The following ANKS1B variants were observed in gnomAD, a reference collection of about 807,000 sequenced individuals.
ANKS1B encodes ankyrin repeat and sterile alpha motif domain-containing protein 1B.
ANKS1B carries 36 observed loss-of-function variants against 148.3 expected under a neutral mutation model. That is an observed-to-expected ratio of 0.24 (90% CI 0.19 to 0.32). The LOEUF is 0.32. ANKS1B is among the 10% of genes least tolerant of loss of function. ANKS1B has a pLI of 1.00. For synonymous variants in ANKS1B, 542 were observed against 560.8 expected (o/e 0.97, Z 0.47); for missense variants, 1,157 against 1,542.6 (o/e 0.75, Z 4.19).
At chr12:99,724,541 G>A (rs189425842) in intron 8 of ANKS1B, among the ~76,000 whole-genome samples, 1 of 152,142 alleles carries the variant, frequency 6.6e-6, no homozygotes, top group South Asian at 2.1e-4. Flanking sequence ...TGGAGTACCT[G>A]AAACAGACAG....
intron 22 of ANKS1B, among the ~76,000 whole-genome samples, chr12:98,790,465 AT>A (rs1402447816): frequency 6.6e-6 from 1 of 152,120 alleles, no homozygotes; most frequent in Admixed American, 6.6e-5. Flanking sequence ...ACATCAACAG[AT>A]TTTAGCTATT....
At chr12:99,357,909 T>C (rs2092156396) in intron 12 of ANKS1B, among the ~76,000 whole-genome samples, 1 of 152,126 alleles carries the variant, frequency 6.6e-6, no homozygotes, top group African/African-American at 2.4e-5. Context: ...TTTAATGTTT[T>C]CTATTTTTTT....
chr12:98,895,250 C>T, intron 17 of ANKS1B: 1 of 985,616 alleles, frequency 1.0e-6, no homozygotes. Flanking sequence ...GGCTCCCAGG[C>T]ACTCGCTGCT....
At chr12:99,240,463 G>A (rs1029496117) in intron 14 of ANKS1B, among the ~76,000 whole-genome samples, 13 of 152,096 alleles carry the variant, frequency 8.5e-5, no homozygotes, top group African/African-American at 2.9e-4. Context: ...CAATAATAAT[G>A]ATAGACTTTA....
Position 99,934,459 on chromosome 12 carries a change from C to T in ANKS1B, c.134+49645G>A, listed in dbSNP as rs1475487039. On this transcript the variant is annotated intron_variant, in intron 1 of 26. Transcript: ENST00000683438. ...CTCAGTCTTGTCAGTTGTTATTGGT[C>T]TGTTCAAGTTTTGGATTTCTTCATG... Among the ~76,000 whole-genome samples the T allele has an allele frequency of 1.5e-4, 23 of 152,012 alleles. 1 individual carries two copies. Among genetic ancestry groups the T allele is most frequent in the Admixed American group, 1.5e-3 (23 of 15,236 alleles).
intron 1 of ANKS1B, among the ~76,000 whole-genome samples, chr12:99,972,789 G>A (rs983522538): frequency 3.2e-4 from 49 of 152,174 alleles, no homozygotes; most frequent in Non-Finnish European, 5.1e-4. Flanking sequence ...ATGCCATCTA[G>A]GACTTTCATA....
intron 12 of ANKS1B, among the ~76,000 whole-genome samples, chr12:99,313,224 T>G (rs1168480582): frequency 6.6e-6 from 1 of 151,808 alleles, no homozygotes; most frequent in South Asian, 2.1e-4. Flanking sequence ...ACCAGGATGA[T>G]ATCGTATCCC....
chr12:99,643,008 T>TC (rs35638322), intron 9 of ANKS1B, among the ~76,000 whole-genome samples: 13,470 of 151,368 alleles, frequency 0.089, 840 homozygotes, highest in East Asian at 0.24. Context: ...TCCAGGATAA[T>TC]CCCCCCCCAT....
chr12:99,775,567 A>C lies in ANKS1B; in HGVS notation c.942T>G (p.Ser314=). 3.1e-6 allele frequency: 5 copies of C among 1,613,024 alleles called. No homozygotes were observed. The highest frequency in any genetic ancestry group is 4.2e-6 in the Non-Finnish European group (5 of 1,179,206). Residue 314 remains serine (S), a synonymous_variant, in exon 7 of 27, where the codon TCT becomes TCG. Coordinates refer to ENST00000683438, the MANE Select transcript of ANKS1B (RefSeq NM_001352186.2). ...QETHISSPVE[S]PSQKTKSETV... ...ACTCACTTTTGGTCTTTTGGGAAGGAGACTCAACAGGAGATGAAATGTGTG... is the reference window on the plus strand; with the variant it reads ...ACTCACTTTTGGTCTTTTGGGAAGGCGACTCAACAGGAGATGAAATGTGTG...
intron 14 of ANKS1B, among the ~76,000 whole-genome samples, chr12:99,165,436 A>C (rs1352574530): frequency 6.6e-6 from 1 of 151,918 alleles, no homozygotes; most frequent in Non-Finnish European, 1.5e-5. Context: ...GAATGAGAGA[A>C]GTGACAGCAA....
At chr12:99,650,382 T>C (rs2098411378) in intron 9 of ANKS1B, among the ~76,000 whole-genome samples, 1 of 152,218 alleles carries the variant, frequency 6.6e-6, no homozygotes, top group East Asian at 1.9e-4. Flanking sequence ...TTTCTTTAAA[T>C]GGTCACCTTG....
At chr12:99,335,821 T>C (rs1307549155) in intron 12 of ANKS1B, among the ~76,000 whole-genome samples, 3 of 152,156 alleles carry the variant, frequency 2.0e-5, no homozygotes, top group East Asian at 1.9e-4. Flanking sequence ...GCAATAAACA[T>C]GGGAGTGTGT....
chr12:98,768,902 T>C (rs1051845277), intron 25 of ANKS1B, among the ~76,000 whole-genome samples: 3 of 151,888 alleles, frequency 2.0e-5, no homozygotes, highest in African/African-American at 7.3e-5. Flanking sequence ...CCAGGCCTCC[T>C]TTCTCGGACT....
At chr12:99,938,340 T>C (rs1816556047) in intron 1 of ANKS1B, among the ~76,000 whole-genome samples, 1 of 152,048 alleles carries the variant, frequency 6.6e-6, no homozygotes, top group Non-Finnish European at 1.5e-5. Flanking sequence ...CTTGAAAACA[T>C]CTCCTTCCCT....
intron 9 of ANKS1B, among the ~76,000 whole-genome samples, chr12:99,605,826 C>T (rs1013671442): frequency 6.6e-6 from 1 of 152,022 alleles, no homozygotes; most frequent in Admixed American, 6.6e-5. Context: ...GACACACTGA[C>T]TTCATTTAAT....
intron 17 of ANKS1B, among the ~76,000 whole-genome samples, chr12:98,943,242 C>T (rs1339027984): frequency 6.6e-6 from 1 of 152,166 alleles, no homozygotes; most frequent in African/African-American, 2.4e-5. Context: ...CTTGTTCAGC[C>T]TTTAATCTAC....
At chr12:99,272,962 T>C (rs187748509) in intron 12 of ANKS1B, among the ~76,000 whole-genome samples, 103 of 152,320 alleles carry the variant, frequency 6.8e-4, no homozygotes, top group Non-Finnish European at 9.1e-4. Flanking sequence ...ATTTGGAGAA[T>C]AATATTCTCC....
intron 17 of ANKS1B, among the ~76,000 whole-genome samples, chr12:98,875,376 T>G (rs896364516): frequency 6.6e-6 from 1 of 152,190 alleles, no homozygotes; most frequent in East Asian, 1.9e-4. Context: ...AAGACAGGCC[T>G]AGGCATAGTG....
intron 8 of ANKS1B, among the ~76,000 whole-genome samples, chr12:99,732,835 T>C (rs1455549912): frequency 6.6e-6 from 1 of 152,202 alleles, no homozygotes; most frequent in African/African-American, 2.4e-5. Flanking sequence ...ACTGTCTTCA[T>C]GTATATTAAC....
Sources: allele counts gnomAD v4.1 joint callset (sites outside exome capture counted in the v4.1 genomes callset), GRCh38; gene constraint gnomAD v4.1.1; transcripts MANE v1.5; gene names NCBI Gene and HGNC (gene_info 2026-07-23, HGNC 2026-07-21).